Variants in SULF1 observed in about 807,000 individuals in gnomAD.
SULF1 encodes extracellular sulfatase Sulf-1.
In SULF1, 46 loss-of-function variants were observed where a neutral mutation model predicts 110.5. The observed-to-expected ratio is 0.42, with a 90% CI of 0.33 to 0.53. SULF1 has a LOEUF of 0.53. SULF1 is among the 20% of genes least tolerant of loss of function. The pLI is 0.12. For synonymous variants in SULF1, 371 were observed against 387.1 expected, an observed-to-expected ratio of 0.96 and a Z score of 0.49; for missense variants, 941 against 1,094.2, an observed-to-expected ratio of 0.86 and a Z score of 1.98.
At chr8:69,557,463 A>G (rs1253096196) in intron 3 of SULF1, among the ~76,000 whole-genome samples, 1 of 152,142 alleles carries the variant, frequency 6.6e-6, no homozygotes, top group East Asian at 1.9e-4. Flanking sequence ...ATATGGTTTT[A>G]GTACCTGCTT....
At chr8:69,593,431 G>A (rs1200172034) in intron 8 of SULF1, among the ~76,000 whole-genome samples, 1 of 152,208 alleles carries the variant, frequency 6.6e-6, no homozygotes, top group Non-Finnish European at 1.5e-5. Context: ...TGCAAGTAAC[G>A]TGAACACTTT....
chr8:69,565,369 CA>C (rs1815802027), intron 5 of SULF1, among the ~76,000 whole-genome samples: 2 of 152,064 alleles, frequency 1.3e-5, no homozygotes, highest in South Asian at 4.1e-4. Context: ...ACTTACAGAG[CA>C]AGTAATTTTA....
At chr8:69,550,682 G>A (rs1223421062) in intron 3 of SULF1, among the ~76,000 whole-genome samples, 1 of 152,202 alleles carries the variant, frequency 6.6e-6, no homozygotes, top group East Asian at 1.9e-4. Flanking sequence ...GTTACTCCCT[G>A]AAGTCAGGCA....
intron 18 of SULF1, among the ~76,000 whole-genome samples, chr8:69,629,179 G>A (rs1057506973): frequency 6.6e-6 from 1 of 152,042 alleles, no homozygotes; most frequent in Non-Finnish European, 1.5e-5. Context: ...GACTACAGGT[G>A]TGCGCCACCA....
chr8:69,645,286 A>G (rs1326574296), intron 22 of SULF1, among the ~76,000 whole-genome samples: 1 of 152,182 alleles, frequency 6.6e-6, no homozygotes, highest in Non-Finnish European at 1.5e-5. Context: ...CCTTTCCAAT[A>G]GTGACCCTAT....
intron 13 of SULF1, among the ~76,000 whole-genome samples, chr8:69,608,903 T>G (rs933536175): frequency 6.6e-6 from 1 of 152,064 alleles, no homozygotes; most frequent in African/African-American, 2.4e-5. Context: ...GACACGTTTA[T>G]GTACAGACAC....
At chr8:69,604,723 A>T (rs1586528756) in intron 12 of SULF1, 80 bp from the exon 13 acceptor site, 3 of 865,760 alleles carry the variant, frequency 3.5e-6, no homozygotes, top group South Asian at 2.0e-5. Flanking sequence ...GTGACAGGGT[A>T]AAAAAAAAAA....
At chr8:69,628,016 C>A in intron 17 of SULF1, 150 bp downstream of exon 17, 1 of 876,794 alleles carries the variant, frequency 1.1e-6, no homozygotes, top group Non-Finnish European at 1.8e-6. Flanking sequence ...ACTAAATATG[C>A]TTAAACTTAA....
At chr8:69,514,959 G>T (rs770901240) in intron 3 of SULF1, among the ~76,000 whole-genome samples, 5 of 152,136 alleles carry the variant, frequency 3.3e-5, no homozygotes, top group Non-Finnish European at 5.9e-5. Flanking sequence ...GGTTCTGCAG[G>T]GTACAACCTC....
chr8:69,587,573 G>A (rs527846939), intron 7 of SULF1, among the ~76,000 whole-genome samples: 4 of 152,302 alleles, frequency 2.6e-5, no homozygotes, highest in Admixed American at 1.3e-4. Flanking sequence ...TTTGAGCAAT[G>A]TCCTCATTTG....
At chr8:69,631,769 C>T (rs1195225349) in intron 19 of SULF1, among the ~76,000 whole-genome samples, 1 of 152,222 alleles carries the variant, frequency 6.6e-6, no homozygotes, top group Non-Finnish European at 1.5e-5. Context: ...AGCCCCGTGC[C>T]CAGAAAACAC....
At chr8:69,588,480 A>G (rs531980135) in intron 7 of SULF1, among the ~76,000 whole-genome samples, 6 of 152,104 alleles carry the variant, frequency 3.9e-5, no homozygotes, top group Non-Finnish European at 8.8e-5. Context: ...TCTTGTGTTT[A>G]TGTATTCATG....
Position 69,509,039 on chromosome 8 carries a change from A to T in SULF1, c.-134+7071A>T, listed in dbSNP as rs553543778. On this transcript the variant is annotated intron_variant, in intron 3 of 22. Transcript: ENST00000402687. ...TAATTTACTCTATAATTTCCTACAA[A>T]ATTAGAATGTACTTGTCCCATTTCC... Among the ~76,000 whole-genome samples the T allele has an allele frequency of 2.0e-4, 31 of 152,322 alleles. 1 individual carries two copies. The highest frequency in any genetic ancestry group is 3.4e-3 in the Middle Eastern group (1 of 294).
intron 18 of SULF1, among the ~76,000 whole-genome samples, chr8:69,628,840 G>A (rs892773012): frequency 1.3e-5 from 2 of 151,934 alleles, no homozygotes; most frequent in South Asian, 2.1e-4. Context: ...CCTTTAACTC[G>A]ATGGCTGATT....
In SULF1 at chr8:69,624,016, A is replaced by G. The variant is rs1445769131; in HGVS notation, c.1669A>G (p.Ile557Val). Residue 557 changes from isoleucine (I) to valine (V), a missense_variant, in exon 15 of 23, where the codon ATA becomes GTA. Physicochemically the swap from Ile to Val is conservative, Grantham distance 29 (BLOSUM62 3). Transcript: ENST00000402687. The stretch of plus-strand genomic sequence containing the variant: ...CGAATTTGAAGGTGAAATATATGAC[A>G]TAAATCTGGAAGAAGAAGAAGAATT... ...SVEFEGEIYD[I>V]NLEEEEELQV... The G allele has an allele frequency of 6.2e-7, 1 of 1,614,094 alleles. No homozygotes were observed. Among genetic ancestry groups the G allele is most frequent in the Non-Finnish European group, 8.5e-7 (1 of 1,180,042 alleles).
At chr8:69,488,975 C>A (rs1809808074), upstream of SULF1, among the ~76,000 whole-genome samples, 3 of 152,000 alleles carry the variant, frequency 2.0e-5, no homozygotes, top group South Asian at 6.2e-4. Flanking sequence ...AGGTTGAAGA[C>A]CTGGTGGAGT....
At chr8:69,479,032 T>C (rs964698096) in intron 1 of SULF1, among the ~76,000 whole-genome samples, 20 of 152,216 alleles carry the variant, frequency 1.3e-4, no homozygotes, top group African/African-American at 4.1e-4. Flanking sequence ...GCACTGATTC[T>C]CTGGCTCAGA....
chr8:69,511,254 T>C (rs1811539837), intron 3 of SULF1, among the ~76,000 whole-genome samples: 1 of 152,238 alleles, frequency 6.6e-6, no homozygotes, highest in East Asian at 1.9e-4. Flanking sequence ...AAACCAGTTT[T>C]TAATTTTCTA....
rs141087960 is a variant in SULF1 at position 69,518,352 on chromosome 8, A to G, written c.-134+16384A>G. On this transcript the variant is annotated intron_variant, in intron 3 of 22. Transcript: ENST00000402687. Reference sequence around the variant, plus strand: ...GCCACTTCAATGTTCTCATCTGCCAATTCCATCATCTCTGAGTCTTTTTCT... The same window carrying G: ...GCCACTTCAATGTTCTCATCTGCCAGTTCCATCATCTCTGAGTCTTTTTCT... Among the ~76,000 whole-genome samples the G allele has an allele frequency of 3.3e-5, 5 of 152,184 alleles. No homozygotes were observed. In the East Asian group the frequency reaches 9.7e-4, roughly 29 times the overall value.
Sources: allele counts gnomAD v4.1 joint callset (sites outside exome capture counted in the v4.1 genomes callset), GRCh38; gene constraint gnomAD v4.1.1; transcripts MANE v1.5; gene names NCBI Gene and HGNC (gene_info 2026-07-23, HGNC 2026-07-21).